RPL3: variants seen among roughly 807,000 people sequenced by gnomAD.
RPL3 encodes large ribosomal subunit protein uL3.
RPL3 carries 3 observed loss-of-function variants against 46.0 expected under a neutral mutation model. The ratio of observed to expected loss-of-function variants is 0.07; its 90% CI spans 0.03 to 0.17. The LOEUF is 0.17. RPL3 is among the 10% of genes least tolerant of loss of function. RPL3 has a pLI of 1.00. For synonymous variants in RPL3, 224 were observed against 190.8 expected, an observed-to-expected ratio of 1.17 and a Z score of -1.43; for missense variants, 387 against 532.7, an observed-to-expected ratio of 0.73 and a Z score of 2.69.
At position 39,313,301 on chromosome 22, in the gene RPL3, C is replaced by A; in HGVS notation, c.1057G>T (p.Val353Leu). ...RVLTLRKSLL[V>L]QTKRRALEKI... ...TCCAGAGCCCGCCGCTTCGTCTGCA[C>A]CAGCAAGGACTATGGGCCAAGAGGG... Residue 353 changes from valine (V) to leucine (L), a missense_variant, in exon 9 of 10, where the codon GTG becomes TTG. Physicochemically the swap from Val to Leu is conservative, Grantham distance 32. Coordinates refer to ENST00000216146, the MANE Select transcript of RPL3 (RefSeq NM_000967.4). 1.2e-6 allele frequency: 2 copies of A among 1,613,928 alleles called. No homozygotes were observed. Among genetic ancestry groups the A allele is most frequent in the Non-Finnish European group, 1.7e-6 (2 of 1,179,934 alleles).
chr22:39,314,494 C>A, intron 6 of RPL3, 192 bp downstream of exon 6: 1 of 693,934 alleles, frequency 1.4e-6, no homozygotes, highest in Non-Finnish European at 2.3e-6. Flanking sequence ...GTCAGCCCCA[C>A]CACAGCCACT....
intron 4 of RPL3, among the ~76,000 whole-genome samples, chr22:39,316,436 A>G (rs904770716): frequency 6.6e-6 from 1 of 152,310 alleles, no homozygotes; most frequent in Admixed American, 6.5e-5. Flanking sequence ...CCAAGTCAAT[A>G]AAAAGCCTGC....
chr22:39,314,199 T>A lies in RPL3; in HGVS notation c.859A>T (p.Ile287Phe). ...RTEINKKIYK[I>F]GQGYLIKDGK... Reference sequence around the variant, plus strand: ...TCCTTGATAAGGTAGCCCTGGCCAATCTTATAAATCTGAATGAACAAGAAG... The same window carrying A: ...TCCTTGATAAGGTAGCCCTGGCCAAACTTATAAATCTGAATGAACAAGAAG... The change falls in exon 7 of 10, where the codon ATT becomes TTT. Residue 287 changes from isoleucine (I) to phenylalanine (F), a missense_variant. Physicochemically the swap from Ile to Phe is conservative, Grantham distance 21 (BLOSUM62 0). Around this residue, in one of 5 missense-constraint regions of RPL3, gnomAD observed 131 missense variants for 185.1 expected, o/e 0.71. Coordinates refer to ENST00000216146, the MANE Select transcript of RPL3 (RefSeq NM_000967.4). 6.2e-7 allele frequency: 1 copy of A among 1,613,702 alleles called. No homozygotes were observed. Among genetic ancestry groups the A allele is most frequent in the East Asian group, 2.2e-5 (1 of 44,878 alleles).
In RPL3 at chr22:39,317,671, G is replaced by A. The variant is rs1369068416; in HGVS notation, c.197-42C>T. The A allele has an allele frequency of 3.1e-6, 5 of 1,605,310 alleles. No homozygotes were observed. The Admixed American group carries it at 5.1e-5, about 16-fold the overall frequency. On this transcript the variant is annotated intron_variant, in intron 2 of 9. Transcript: ENST00000216146. ...GTAGTCAGACTTGGCAGGAGCCCAA[G>A]CAAGGGGTGTAATGTTTTCTAGGAA...
intron 1 of RPL3, 96 bp downstream of exon 1, chr22:39,319,499 C>A: frequency 6.6e-7 from 1 of 1,524,340 alleles, no homozygotes. Flanking sequence ...TAAAGCAAAC[C>A]CCCGGCGCCG....
At chr22:39,315,260 T>C in intron 5 of RPL3, 109 bp downstream of exon 5, 2 of 1,417,614 alleles carry the variant, frequency 1.4e-6, no homozygotes, top group South Asian at 1.2e-5. Flanking sequence ...CACTGTCCGA[T>C]TCGGGCGCTG....
At chr22:39,313,801 G>T in intron 7 of RPL3, 72 bp from the exon 8 acceptor site, 2 of 1,365,630 alleles carry the variant, frequency 1.5e-6, no homozygotes, top group Non-Finnish European at 2.1e-6. Flanking sequence ...CCAGGTTCAG[G>T]CCCTCCCTGA....
rs1030551914 is a variant in RPL3 at position 39,315,653 on chromosome 22, G to A, written c.502-98C>T. 2.2e-5 allele frequency: 31 copies of A among 1,413,020 alleles called. No homozygotes were observed. The South Asian group carries it at 2.5e-4, about 12-fold the overall frequency. 87.5% of individuals were successfully genotyped at this position (1,413,020 alleles called of 1,614,324 possible). On this transcript the variant is annotated intron_variant, in intron 4 of 9. Transcript: ENST00000216146. ...GCGGCCTGATTGATGTCAAGCACACGGCAAAAAGCCAGTAACTCTGAACAA... is the reference window on the plus strand; with the variant it reads ...GCGGCCTGATTGATGTCAAGCACACAGCAAAAAGCCAGTAACTCTGAACAA...
chr22:39,314,361 C>T (rs1056616361), intron 6 of RPL3, 153 bp from the exon 7 acceptor site: 3 of 691,756 alleles, frequency 4.3e-6, no homozygotes, highest in Non-Finnish European at 7.4e-6. Context: ...CTGGCTGGCC[C>T]TCCAGGTTCC....
chr22:39,318,631 A>C (rs1218839388), intron 1 of RPL3, 39 bp from the exon 2 acceptor site: 1 of 1,528,798 alleles, frequency 6.5e-7, no homozygotes, highest in Admixed American at 2.0e-5. Context: ...CCCAAACCAA[A>C]GCAGTGCCCC....
At chr22:39,317,431 A>G (rs1034563599) in intron 3 of RPL3, 30 bp downstream of exon 3, 4 of 1,602,192 alleles carry the variant, frequency 2.5e-6, no homozygotes, top group African/African-American at 2.7e-5. Context: ...CAAGCTCCCA[A>G]GCTAGGGACT....
chr22:39,316,032 G>C (rs1408742085), intron 4 of RPL3, among the ~76,000 whole-genome samples: 2 of 152,134 alleles, frequency 1.3e-5, no homozygotes, highest in Non-Finnish European at 2.9e-5. Flanking sequence ...CTGAGGTCAG[G>C]AGTTCAAAAC....
At chr22:39,314,441 G>C (rs540476756) in intron 6 of RPL3, 5 of 625,636 alleles carry the variant, frequency 8.0e-6, no homozygotes, top group South Asian at 7.9e-5. Context: ...CCCCCTGGTG[G>C]TGGCATCAGG....
At position 39,319,618 on chromosome 22, in the gene RPL3, G is replaced by A. The variant is rs368882831; in HGVS notation, c.-21C>T. 32 of 1,549,802 alleles carry A rather than the reference G, an allele frequency of 2.1e-5. No individual in the cohort carries two copies. Among genetic ancestry groups the A allele is most frequent in the East Asian group, 7.3e-5 (3 of 40,986 alleles). ...ACCATCACGCCATCAAATCCCGCCG[G>A]TAGAGGCCGGTCGGCCTTACGGGTC... On this transcript the variant is annotated 5_prime_UTR_variant, in exon 1 of 10. Coordinates refer to ENST00000216146, the MANE Select transcript of RPL3 (RefSeq NM_000967.4).
intron 7 of RPL3, 153 bp downstream of exon 7, chr22:39,313,946 CGACGAGTG>C (rs1922519483): frequency 6.0e-6 from 5 of 838,098 alleles, no homozygotes. Context: ...CAGCCAACCC[CGACGAGTG>C]GACTCAGATG....
At chr22:39,315,663 C>G in intron 4 of RPL3, 108 bp from the exon 5 acceptor site, 1 of 1,329,658 alleles carries the variant, frequency 7.5e-7, no homozygotes, top group South Asian at 1.3e-5. Context: ...GGCAAAAAGC[C>G]AGTAACTCTG....
intron 1 of RPL3, 51 bp downstream of exon 1, chr22:39,319,544 C>G: frequency 6.4e-7 from 1 of 1,558,010 alleles, no homozygotes. Context: ...GTCGCGGATT[C>G]AGCCGTGCCG....
In RPL3 at chr22:39,318,183, C is replaced by T. The variant is rs1569162167; in HGVS notation, c.196+217G>A. The T allele has an allele frequency of 1.1e-5, 6 of 547,868 alleles. No individual in the cohort carries two copies. The South Asian group carries it at 1.4e-4, about 13-fold the overall frequency. The allele number at this position is 547,868 out of a possible 1,614,324, so 33.9% of individuals were successfully genotyped here. On this transcript the variant is annotated intron_variant, in intron 2 of 9. Coordinates refer to ENST00000216146, the MANE Select transcript of RPL3 (RefSeq NM_000967.4). ...TTACTATGCTCTGAAATCAATACCCCACACCGCACCTAAAGCAAACAGTGC... is the reference window on the plus strand; with the variant it reads ...TTACTATGCTCTGAAATCAATACCCTACACCGCACCTAAAGCAAACAGTGC...
At chr22:39,313,605 C>T (rs753169937) in intron 8 of RPL3, 29 bp downstream of exon 8, 1 of 1,602,144 alleles carries the variant, frequency 6.2e-7, no homozygotes. Context: ...TACAAGAGCC[C>T]CCCCATGACA....
Sources: gnomAD v4.1 joint callset for allele counts (sites outside exome capture counted in the v4.1 genomes callset) on GRCh38, gnomAD v4.1.1 for gene constraint, gnomAD v4.1.1 regional missense constraint, MANE v1.5 for transcripts, NCBI Gene and HGNC (gene_info 2026-07-23, HGNC 2026-07-21) for gene names.